DOCK9: variants seen among roughly 807,000 people sequenced by gnomAD.
The protein encoded by DOCK9 is dedicator of cytokinesis protein 9.
Under a neutral mutation model 263.3 loss-of-function variants are expected in DOCK9, and 89 were observed. That is an observed-to-expected ratio of 0.34 (90% CI 0.28 to 0.40). The LOEUF is 0.40. Among genes scored for constraint, DOCK9 ranks in the 10% least tolerant of loss-of-function variants. The pLI, the probability that DOCK9 is intolerant of heterozygous loss-of-function variation, is 1.00. For missense variants in DOCK9, 2,140 were observed against 2,603.4 expected (o/e 0.82, Z 3.87); for synonymous variants, 976 against 973.1 (o/e 1.00, Z -0.06).
intron 1 of DOCK9, among the ~76,000 whole-genome samples, chr13:99,060,309 C>T (rs961151133): frequency 2.6e-5 from 4 of 151,964 alleles, no homozygotes; most frequent in African/African-American, 9.7e-5. Context: ...GATCTCCTGA[C>T]CTCATGATCC....
chr13:98,904,514 A>G (rs1046338696), intron 10 of DOCK9, 118 bp downstream of exon 10: 9 of 728,406 alleles, frequency 1.2e-5, no homozygotes, highest in Non-Finnish European at 1.7e-5. Context: ...CAAATTTTCT[A>G]TAGTTATTTT....
Position 98,927,855 on chromosome 13 carries a change from G to A in DOCK9, c.334-1936C>T, listed in dbSNP as rs574595897. On this transcript the variant is annotated intron_variant, in intron 3 of 52. Transcript: ENST00000682017. ...AGGCTGGTCTCGAACTCCTGACCTC[G>A]TGATCCACCCGCCTCGGCCTCCCAA... Among the ~76,000 whole-genome samples, 4 of 151,978 alleles carry A rather than the reference G, an allele frequency of 2.6e-5. No homozygotes were observed. In the South Asian group the frequency reaches 6.2e-4, roughly 24 times the overall value.
chr13:98,837,428 G>A (rs1348552885), intron 39 of DOCK9, 66 bp downstream of exon 39: 2 of 1,147,466 alleles, frequency 1.7e-6, no homozygotes, highest in Non-Finnish European at 2.6e-6. Flanking sequence ...TGTGCTCACT[G>A]AGCTTACCAA....
At chr13:98,959,682 G>A (rs1486362671) in intron 1 of DOCK9, 2 of 152,518 alleles carry the variant, frequency 1.3e-5, no homozygotes, top group Non-Finnish European at 2.9e-5. Context: ...GGGAGACAGG[G>A]AAAAGGGAGC....
intron 1 of DOCK9, among the ~76,000 whole-genome samples, chr13:99,008,953 T>C (rs190316913): frequency 1.1e-3 from 169 of 152,360 alleles, no homozygotes; most frequent in African/African-American, 3.8e-3. Context: ...ATTCAGTCCA[T>C]TGCAACTTGT....
intron 39 of DOCK9, among the ~76,000 whole-genome samples, chr13:98,834,843 T>TG (rs1354371603): frequency 7.2e-5 from 11 of 152,312 alleles, no homozygotes; most frequent in Admixed American, 4.6e-4. Flanking sequence ...TCAAATACCT[T>TG]GATCTTTACT....
intron 1 of DOCK9, among the ~76,000 whole-genome samples, chr13:99,051,230 A>G (rs1166838754): frequency 6.6e-6 from 1 of 152,218 alleles, no homozygotes; most frequent in African/African-American, 2.4e-5. Context: ...GAGCCAGCTC[A>G]GTGCTTCCTT....
Position 99,008,212 on chromosome 13 carries a change from C to CTATA in DOCK9, c.130-52665_130-52662dup, listed in dbSNP as rs1161970142. ...TCTCTCTCTCTCTCTCTCTCTCTCT[C>CTATA]TATATATATATATATATATATATTT... On this transcript the variant is annotated intron_variant, in intron 1 of 32. Coordinates refer to the DOCK9 transcript ENST00000427887. Among the ~76,000 whole-genome samples the CTATA allele has an allele frequency of 4.1e-3, 323 of 79,112 alleles. 4 individuals are homozygous for CTATA. Among genetic ancestry groups the CTATA allele is most frequent in the East Asian group, 0.011 (23 of 2,160 alleles). 51.9% of individuals were successfully genotyped at this position (79,112 alleles called of 152,430 possible).
rs1293121783 is a variant in DOCK9, at chr13:98,840,258, G to C, written c.4199-2649C>G. 5.3e-5 allele frequency among the ~76,000 whole-genome samples: 8 copies of C among 152,302 alleles called. No homozygotes were observed. The East Asian group carries it at 1.2e-3, about 22-fold the overall frequency. ...TTTGAAAGCTGATTAAGCAGCTTTTGACCCGGGCAAGTAAGGAGTGCGGTG... is the reference window on the plus strand; with the variant it reads ...TTTGAAAGCTGATTAAGCAGCTTTTCACCCGGGCAAGTAAGGAGTGCGGTG... On this transcript the variant is annotated intron_variant, in intron 38 of 52. Transcript: ENST00000682017.
At chr13:98,847,659 G>A (rs974259555) in intron 37 of DOCK9, 2 of 152,056 alleles carry the variant, frequency 1.3e-5, no homozygotes, top group African/African-American at 2.4e-5. Context: ...AAAAATCTCT[G>A]GCCTATTTCA....
At chr13:98,797,332 A>C in intron 51 of DOCK9, 57 bp downstream of exon 51, 1 of 1,608,688 alleles carries the variant, frequency 6.2e-7, no homozygotes, top group Non-Finnish European at 8.5e-7. Context: ...TCCTTCCCGA[A>C]TGAGTACAGA....
intron 1 of DOCK9, chr13:99,015,688 C>T: frequency 1.3e-6 from 2 of 1,486,122 alleles, no homozygotes; most frequent in Non-Finnish European, 1.8e-6. Context: ...CCGAAACAGG[C>T]TCCCACTGTA....
At chr13:98,940,846 C>G (rs1216589417) in intron 2 of DOCK9, among the ~76,000 whole-genome samples, 1 of 152,120 alleles carries the variant, frequency 6.6e-6, no homozygotes, top group African/African-American at 2.4e-5. Context: ...ACCTTCCCTC[C>G]ATCATCCCTC....
rs1238178032 is a variant in DOCK9, at chr13:98,901,907, G to A, written c.1381-7C>T. The A allele has an allele frequency of 6.2e-7, 1 of 1,610,652 alleles. No homozygotes were observed. On this transcript the variant is annotated splice_polypyrimidine_tract_variant and splice_region_variant and intron_variant, in intron 12 of 52. Coordinates refer to ENST00000682017, the MANE Select transcript of DOCK9 (RefSeq NM_001366683.2). ...AAGTGACTGAAAATATTCCCTAGGA[G>A]GCAAACAATTTTCTTCAGTAAGCAG...
chr13:98,865,977 G>A (rs370249931), intron 30 of DOCK9, among the ~76,000 whole-genome samples: 75 of 149,846 alleles, frequency 5.0e-4, no homozygotes, highest in African/African-American at 1.8e-3. Flanking sequence ...ATAGGGGGGT[G>A]TGAGACCACA....
At chr13:98,856,561 G>C (rs1216202908) in intron 33 of DOCK9, 1 of 152,586 alleles carries the variant, frequency 6.6e-6, no homozygotes, top group Non-Finnish European at 1.5e-5. Context: ...GTGAAGCTGG[G>C]TATTTGGGGG....
rs111590913 is a variant in DOCK9 at position 99,072,429 on chromosome 13, A to G, written c.129+13794T>C. ...TGGCCAGGAGCATTGTATAATATCA[A>G]AAGAACTTTAAAAGGCACTCTCTTG... On this transcript the variant is annotated intron_variant, in intron 1 of 32. Coordinates refer to the DOCK9 transcript ENST00000427887. Among the ~76,000 whole-genome samples the G allele has an allele frequency of 1.6e-3, 246 of 152,104 alleles. 1 individual carries two copies. The highest frequency in any genetic ancestry group is 5.2e-3 in the African/African-American group (218 of 41,544).
intron 30 of DOCK9, among the ~76,000 whole-genome samples, chr13:98,865,602 C>T (rs550393291): frequency 3.7e-4 from 57 of 152,316 alleles, no homozygotes; most frequent in Admixed American, 8.5e-4. Context: ...TCTATAAGAG[C>T]TTGTGCTGCC....
At chr13:98,915,608 C>T (rs2050764557) in intron 7 of DOCK9, 105 bp from the exon 8 acceptor site, 1 of 1,165,678 alleles carries the variant, frequency 8.6e-7, no homozygotes, top group Non-Finnish European at 1.2e-6. Context: ...GCATTTAGAA[C>T]CAAGCTATTT....
Sources: allele counts gnomAD v4.1 joint callset (sites outside exome capture counted in the v4.1 genomes callset), GRCh38; gene constraint gnomAD v4.1.1; transcripts MANE v1.5; gene names NCBI Gene and HGNC (gene_info 2026-07-23, HGNC 2026-07-21).